The following CRACDL variants were observed in gnomAD, a reference collection of about 807,000 sequenced individuals.
CRACDL encodes CRACD-like protein.
Under a neutral mutation model 70.6 loss-of-function variants are expected in CRACDL, and 26 were observed. The ratio of observed to expected loss-of-function variants is 0.37; its 90% CI spans 0.27 to 0.51. The LOEUF (loss-of-function observed/expected upper bound fraction) is 0.51, where lower values mean the gene tolerates loss of function less well. Ranked by LOEUF, CRACDL falls within the 20% of genes least tolerant of loss-of-function variation. CRACDL has a pLI of 0.94. For missense variants in CRACDL, 1,283 were observed against 1,376.9 expected, an observed-to-expected ratio of 0.93 and a Z score of 1.08; for synonymous variants, 618 against 615.2, an observed-to-expected ratio of 1.00 and a Z score of -0.07.
rs1706005280 is a variant in CRACDL at position 98,841,034 on chromosome 2, G to GA, written c.71-2748dup. Among the ~76,000 whole-genome samples the GA allele has an allele frequency of 2.0e-5, 3 of 151,984 alleles. No individual in the cohort carries two copies. In the South Asian group the frequency reaches 6.2e-4, roughly 32 times the overall value. ...GCATAATGCAAGTATTCCAAAATCTGAAAAAATCTGAAATCTGAAACACTC... is the reference window on the plus strand; with the variant it reads ...GCATAATGCAAGTATTCCAAAATCTGAAAAAAATCTGAAATCTGAAACACTC... On this transcript the variant is annotated intron_variant, in intron 2 of 9. Transcript: ENST00000397899.
chr2:98,876,646 G>A (rs1707495235), intron 1 of CRACDL, among the ~76,000 whole-genome samples: 1 of 152,230 alleles, frequency 6.6e-6, no homozygotes, highest in Non-Finnish European at 1.5e-5. Flanking sequence ...TGTCTTCCAT[G>A]AAACTGATCT....
chr2:98,847,225 C>G (rs1383743425), intron 1 of CRACDL, among the ~76,000 whole-genome samples: 2 of 152,110 alleles, frequency 1.3e-5, no homozygotes, highest in Non-Finnish European at 2.9e-5. Flanking sequence ...CATTTCCTTC[C>G]AATAATTTTT....
intron 1 of CRACDL, among the ~76,000 whole-genome samples, chr2:98,860,116 A>G (rs1053620016): frequency 6.6e-6 from 1 of 152,212 alleles, no homozygotes; most frequent in African/African-American, 2.4e-5. Flanking sequence ...ACACTTGTAC[A>G]CTGAAAATAA....
At chr2:98,847,271 A>AT (rs1365409045) in intron 1 of CRACDL, among the ~76,000 whole-genome samples, 1 of 152,240 alleles carries the variant, frequency 6.6e-6, no homozygotes, top group African/African-American at 2.4e-5. Context: ...CACATATCAT[A>AT]TTAGGAAGCT....
At chr2:98,904,983 G>T (rs1708370970) in intron 1 of CRACDL, among the ~76,000 whole-genome samples, 1 of 151,462 alleles carries the variant, frequency 6.6e-6, no homozygotes, top group Non-Finnish European at 1.5e-5. Context: ...GGGCGCGGTG[G>T]CTCAAGCCTG....
chr2:98,905,758 C>T (rs1708395963), intron 1 of CRACDL, among the ~76,000 whole-genome samples: 1 of 151,862 alleles, frequency 6.6e-6, no homozygotes, highest in African/African-American at 2.4e-5. Flanking sequence ...GCTGGGATAA[C>T]AGGCACATGC....
chr2:98,860,147 A>G (rs1439125846), intron 1 of CRACDL, among the ~76,000 whole-genome samples: 4 of 152,244 alleles, frequency 2.6e-5, no homozygotes, highest in Non-Finnish European at 5.9e-5. Context: ...AAAAAATTAA[A>G]GAAGACATAA....
chr2:98,913,463 G>A (rs1708591741), intron 1 of CRACDL, among the ~76,000 whole-genome samples: 1 of 152,144 alleles, frequency 6.6e-6, no homozygotes, highest in African/African-American at 2.4e-5. Context: ...TGGGGAACAG[G>A]GAGTACAAGA....
At chr2:98,902,633 G>A (rs903663799) in intron 1 of CRACDL, among the ~76,000 whole-genome samples, 23 of 152,146 alleles carry the variant, frequency 1.5e-4, no homozygotes, top group Non-Finnish European at 2.8e-4. Flanking sequence ...GGCTACTGCC[G>A]GGGCCTGACC....
intron 1 of CRACDL, among the ~76,000 whole-genome samples, chr2:98,913,607 C>A (rs1708596098): frequency 6.6e-6 from 1 of 152,096 alleles, no homozygotes; most frequent in African/African-American, 2.4e-5. Context: ...GATGGACTCA[C>A]CCAGGAGTCC....
At chr2:98,905,654 A>G (rs960013194) in intron 1 of CRACDL, among the ~76,000 whole-genome samples, 1 of 143,520 alleles carries the variant, frequency 7.0e-6, no homozygotes, top group Non-Finnish European at 1.5e-5. Context: ...TTTGAGACAG[A>G]GTCTCGTTCT....
At chr2:98,868,602 G>C (rs955460892) in intron 1 of CRACDL, among the ~76,000 whole-genome samples, 7 of 152,218 alleles carry the variant, frequency 4.6e-5, no homozygotes, top group Admixed American at 1.3e-4. Context: ...AGCTCAGGCA[G>C]AGCGTCTCCC....
chr2:98,882,746 C>T (rs1476549368), intron 1 of CRACDL, among the ~76,000 whole-genome samples: 2 of 152,122 alleles, frequency 1.3e-5, no homozygotes, highest in Admixed American at 1.3e-4. Flanking sequence ...CCATTTGAAC[C>T]CCCCGATTCC....
At chr2:98,801,590 T>C (rs1325515231) in intron 7 of CRACDL, among the ~76,000 whole-genome samples, 1 of 152,234 alleles carries the variant, frequency 6.6e-6, no homozygotes, top group East Asian at 1.9e-4. Context: ...CCACGACCTA[T>C]GCCTCCCAGT....
At chr2:98,884,278 C>T (rs544373019) in intron 1 of CRACDL, among the ~76,000 whole-genome samples, 1 of 152,242 alleles carries the variant, frequency 6.6e-6, no homozygotes, top group Non-Finnish European at 1.5e-5. Flanking sequence ...GCCTGCACAG[C>T]TCACACAGCC....
At chr2:98,812,078 C>T (rs1377565071) in intron 7 of CRACDL, among the ~76,000 whole-genome samples, 3 of 152,184 alleles carry the variant, frequency 2.0e-5, no homozygotes, top group Admixed American at 6.5e-5. Flanking sequence ...TGGGTTCAAG[C>T]GATTCTCCTG....
rs1162950549 is a variant in CRACDL, at chr2:98,856,511, A to G, written c.-10-9701T>C. Among the ~76,000 whole-genome samples, 9 of 152,342 alleles carry G rather than the reference A, an allele frequency of 5.9e-5. No individual in the cohort carries two copies. The East Asian group carries it at 9.6e-4, about 16-fold the overall frequency. ...ACACCAAGCAGTAACTTGAATCTAC[A>G]CAAAAAATCAGAGGCATCAATAAAG... On this transcript the variant is annotated intron_variant, in intron 1 of 9. Coordinates refer to ENST00000397899, the MANE Select transcript of CRACDL (RefSeq NM_207362.3).
chr2:98,824,288 C>G (rs1423212304), intron 6 of CRACDL, among the ~76,000 whole-genome samples: 1 of 146,684 alleles, frequency 6.8e-6, no homozygotes, highest in Admixed American at 6.8e-5. Flanking sequence ...CTCTCCCCCA[C>G]CCCCCTGCCC....
intron 7 of CRACDL, among the ~76,000 whole-genome samples, chr2:98,816,757 A>G (rs936537598): frequency 6.6e-6 from 1 of 152,240 alleles, no homozygotes; most frequent in African/African-American, 2.4e-5. Context: ...TGTTGATGAC[A>G]CTTGCTCAGA....
Sources: gnomAD v4.1 joint callset for allele counts (sites outside exome capture counted in the v4.1 genomes callset) on GRCh38, gnomAD v4.1.1 for gene constraint, MANE v1.5 for transcripts, NCBI Gene and HGNC (gene_info 2026-07-23, HGNC 2026-07-21) for gene names.